The following OXR1 variants were observed in gnomAD, a reference collection of about 807,000 sequenced individuals.
The protein encoded by OXR1 is oxidation resistance 1.
A neutral mutation model predicts 104.6 loss-of-function variants in OXR1; 41 were observed. The observed-to-expected ratio is 0.39, with a 90% CI of 0.31 to 0.51. The LOEUF (loss-of-function observed/expected upper bound fraction) is 0.51, where lower values mean the gene tolerates loss of function less well. Ranked by LOEUF, OXR1 falls within the 20% of genes least tolerant of loss-of-function variation. The probability of loss-of-function intolerance (pLI) is 0.77; values close to 1 mark genes in which losing one functional copy is unlikely to be tolerated. For synonymous variants in OXR1, 348 were observed against 348.4 expected, an observed-to-expected ratio of 1.00 and a Z score of 0.01; for missense variants, 955 against 1,031.9, an observed-to-expected ratio of 0.93 and a Z score of 1.02.
intron 7 of OXR1, among the ~76,000 whole-genome samples, chr8:106,700,927 A>T (rs1354165283): frequency 1.3e-5 from 2 of 152,122 alleles, no homozygotes; most frequent in African/African-American, 4.8e-5. Context: ...AAGTTTACAG[A>T]AGATGGGAGA....
At chr8:106,299,414 C>T (rs556341023) in intron 1 of OXR1, among the ~76,000 whole-genome samples, 1 of 152,096 alleles carries the variant, frequency 6.6e-6, no homozygotes, top group East Asian at 1.9e-4. Context: ...AGTATAGTAG[C>T]ACATTAGAGT....
At chr8:106,535,958 C>G (rs555735598) in intron 3 of OXR1, among the ~76,000 whole-genome samples, 1 of 152,220 alleles carries the variant, frequency 6.6e-6, no homozygotes, top group South Asian at 2.1e-4. Flanking sequence ...CAGTGGCTCA[C>G]GCCTGTAATC....
intron 3 of OXR1, among the ~76,000 whole-genome samples, chr8:106,595,128 C>G (rs1431886590): frequency 1.3e-5 from 2 of 152,186 alleles, no homozygotes; most frequent in Non-Finnish European, 1.5e-5. Context: ...CAACCCTTGC[C>G]TTAAAATTAT....
intron 7 of OXR1, among the ~76,000 whole-genome samples, chr8:106,694,249 A>G (rs1184056886): frequency 1.3e-5 from 2 of 151,520 alleles, no homozygotes; most frequent in African/African-American, 2.4e-5. Flanking sequence ...ACAAGTGTCA[A>G]TCAAATCAAA....
intron 2 of OXR1, among the ~76,000 whole-genome samples, chr8:106,389,892 C>A (rs576509595): frequency 1.3e-5 from 2 of 152,082 alleles, no homozygotes; most frequent in East Asian, 3.9e-4. Flanking sequence ...ATGTTGAAAC[C>A]CTGTCCCTAC....
intron 1 of OXR1, among the ~76,000 whole-genome samples, chr8:106,326,394 G>A (rs1814469446): frequency 1.3e-5 from 2 of 152,216 alleles, no homozygotes; most frequent in South Asian, 4.1e-4. Context: ...AAAAAGGTAA[G>A]TAAACTATAT....
chr8:106,398,335 T>A (rs1586603480), intron 2 of OXR1, among the ~76,000 whole-genome samples: 1 of 152,076 alleles, frequency 6.6e-6, no homozygotes, highest in Non-Finnish European at 1.5e-5. Context: ...AGATTTAGAT[T>A]TATTTGGTAC....
chr8:106,745,183 GT>G (rs1420984195), intron 15 of OXR1, among the ~76,000 whole-genome samples: 2 of 152,100 alleles, frequency 1.3e-5, no homozygotes, highest in African/African-American at 4.8e-5. Context: ...ACTATGTTAG[GT>G]TTAGGTAAAA....
In OXR1 at chr8:106,726,279, A is replaced by G. The variant is rs878911149; in HGVS notation, c.1957-11241A>G. On this transcript the variant is annotated intron_variant, in intron 11 of 16. Transcript: ENST00000517566. ...TCTGGTATGGGAAAAAAGGGAGAAG[A>G]CATCAACCAATTAATCATAAATACA... 5 of 1,527,352 alleles carry G rather than the reference A, an allele frequency of 3.3e-6. No homozygotes were observed. In the South Asian group the frequency reaches 4.8e-5, roughly 15 times the overall value. The allele number at this position is 1,527,352 out of a possible 1,614,324, so 94.6% of individuals were successfully genotyped here. A position where few individuals can be genotyped will look rare whatever the true frequency, so the allele number is the denominator to read the frequency against.
intron 2 of OXR1, among the ~76,000 whole-genome samples, chr8:106,431,274 A>C (rs1819348317): frequency 6.6e-6 from 1 of 152,088 alleles, no homozygotes; most frequent in African/African-American, 2.4e-5. Context: ...GATGATAATG[A>C]TGATGGTGAT....
At chr8:106,519,491 C>G (rs1304876231) in intron 3 of OXR1, among the ~76,000 whole-genome samples, 1 of 152,176 alleles carries the variant, frequency 6.6e-6, no homozygotes, top group Non-Finnish European at 1.5e-5. Context: ...CAGCCAGCAC[C>G]TTTCTTGTTT....
chr8:106,431,221 A>T (rs1819346473), intron 2 of OXR1, among the ~76,000 whole-genome samples: 1 of 152,138 alleles, frequency 6.6e-6, no homozygotes. Flanking sequence ...GTCCCCACTC[A>T]TGTGAGTCTA....
At chr8:106,285,606 G>C (rs1425213670) in intron 1 of OXR1, among the ~76,000 whole-genome samples, 2 of 151,918 alleles carry the variant, frequency 1.3e-5, no homozygotes, top group Non-Finnish European at 2.9e-5. Flanking sequence ...CACTTGGGAG[G>C]CTCATTATTA....
chr8:106,697,768 G>T, intron 7 of OXR1: 1 of 1,613,060 alleles, frequency 6.2e-7, no homozygotes, highest in African/African-American at 1.3e-5. Flanking sequence ...CATGGTGGAG[G>T]CCTGGATCTT....
At chr8:106,738,917 C>T (rs904994984) in intron 12 of OXR1, among the ~76,000 whole-genome samples, 1 of 151,726 alleles carries the variant, frequency 6.6e-6, no homozygotes, top group Non-Finnish European at 1.5e-5. Flanking sequence ...AAAATGGTAA[C>T]GTTTGTCAGT....
intron 2 of OXR1, among the ~76,000 whole-genome samples, chr8:106,510,725 A>G (rs1205066895): frequency 6.6e-6 from 1 of 152,108 alleles, no homozygotes; most frequent in Non-Finnish European, 1.5e-5. Flanking sequence ...TTTCTAGCAA[A>G]CCATTTCTGC....
intron 1 of OXR1, among the ~76,000 whole-genome samples, chr8:106,290,219 T>A (rs911290138): frequency 2.0e-5 from 3 of 152,096 alleles, no homozygotes; most frequent in African/African-American, 7.2e-5. Context: ...CCCTATTCAA[T>A]AAATGGTGCA....
At chr8:106,328,687 G>T (rs184535939) in intron 1 of OXR1, among the ~76,000 whole-genome samples, 4 of 152,158 alleles carry the variant, frequency 2.6e-5, no homozygotes, top group Admixed American at 6.5e-5. Flanking sequence ...AGAATAAAAG[G>T]CAAGAAAGTA....
intron 8 of OXR1, 66 bp from the exon 9 acceptor site, chr8:106,706,314 TCA>T: frequency 9.3e-7 from 1 of 1,075,666 alleles, no homozygotes; most frequent in Non-Finnish European, 1.3e-6. Context: ...AATTCTGTGT[TCA>T]GTGTGTGAAA....
Sources: gnomAD v4.1 joint callset for allele counts (sites outside exome capture counted in the v4.1 genomes callset) on GRCh38, gnomAD v4.1.1 for gene constraint, MANE v1.5 for transcripts, NCBI Gene and HGNC (gene_info 2026-07-23, HGNC 2026-07-21) for gene names.